The following EXOC4 variants were observed in gnomAD, a reference collection of about 807,000 sequenced individuals.
EXOC4 encodes SEC8-like 1.
EXOC4 carries 71 observed loss-of-function variants against 107.2 expected under a neutral mutation model. That is an observed-to-expected ratio of 0.66 (90% CI 0.55 to 0.81). The LOEUF (loss-of-function observed/expected upper bound fraction) is 0.81, where lower values mean the gene tolerates loss of function less well. Among genes scored for constraint, EXOC4 ranks in the 30% least tolerant of loss-of-function variants. The pLI, the probability that EXOC4 is intolerant of heterozygous loss-of-function variation, is 0.00. For synonymous variants in EXOC4, 456 were observed against 441.2 expected, an observed-to-expected ratio of 1.03 and a Z score of -0.42; for missense variants, 1,108 against 1,189.6, an observed-to-expected ratio of 0.93 and a Z score of 1.01.
intron 9 of EXOC4, among the ~76,000 whole-genome samples, chr7:133,527,249 C>T (rs1800097624): frequency 6.6e-6 from 1 of 151,216 alleles, no homozygotes; most frequent in Non-Finnish European, 1.5e-5. Context: ...ACTAAAAATA[C>T]AAAAATTAGC....
In EXOC4 at chr7:133,738,093, G is replaced by A. The variant is rs180963093; in HGVS notation, c.1515-79232G>A. Among the ~76,000 whole-genome samples, 11 of 151,586 alleles carry A rather than the reference G, an allele frequency of 7.3e-5. No individual in the cohort carries two copies. In the East Asian group the frequency reaches 2.0e-3, roughly 27 times the overall value. ...TGCCAGGCTAGTTTTTGTGTTTTTA[G>A]TAGAGACAGGATTTCACCACGTGGG... On this transcript the variant is annotated intron_variant, in intron 10 of 17. Transcript: ENST00000253861.
chr7:133,600,589 G>A (rs2150986609), intron 9 of EXOC4, among the ~76,000 whole-genome samples: 1 of 152,190 alleles, frequency 6.6e-6, no homozygotes, highest in South Asian at 2.1e-4. Flanking sequence ...AAATCATTCA[G>A]AAAATAATTC....
At chr7:133,664,689 A>G (rs1166466241) in intron 10 of EXOC4, among the ~76,000 whole-genome samples, 1 of 152,162 alleles carries the variant, frequency 6.6e-6, no homozygotes, top group Non-Finnish European at 1.5e-5. Flanking sequence ...CCTCTGCTGC[A>G]TTAGCTGAAG....
chr7:133,535,433 G>A (rs1023299017), intron 9 of EXOC4, among the ~76,000 whole-genome samples: 5 of 152,118 alleles, frequency 3.3e-5, no homozygotes, highest in African/African-American at 1.2e-4. Flanking sequence ...CTCATACCTG[G>A]AAGTTTACAA....
At chr7:133,276,591 G>C (rs1793998803) in intron 2 of EXOC4, among the ~76,000 whole-genome samples, 1 of 151,966 alleles carries the variant, frequency 6.6e-6, no homozygotes, top group Non-Finnish European at 1.5e-5. Flanking sequence ...GTCATTAAGA[G>C]AGGCAGTGCT....
intron 10 of EXOC4, among the ~76,000 whole-genome samples, chr7:133,780,311 A>AG (rs1290272405): frequency 6.6e-6 from 1 of 151,906 alleles, no homozygotes; most frequent in Non-Finnish European, 1.5e-5. Context: ...TCTAAAAAAA[A>AG]AAAAAGCCAT....
chr7:133,332,631 A>T (rs528901778), intron 5 of EXOC4, among the ~76,000 whole-genome samples: 45 of 152,312 alleles, frequency 3.0e-4, no homozygotes, highest in African/African-American at 1.0e-3. Flanking sequence ...GAAAAAATAT[A>T]TTTGTATATT....
chr7:133,384,345 G>T (rs1425579618), intron 7 of EXOC4, among the ~76,000 whole-genome samples: 2 of 152,162 alleles, frequency 1.3e-5, no homozygotes, highest in African/African-American at 4.8e-5. Flanking sequence ...GAACACAGGT[G>T]TAGAAATGGC....
chr7:133,372,274 G>T (rs1385800481), intron 6 of EXOC4, among the ~76,000 whole-genome samples: 2 of 152,142 alleles, frequency 1.3e-5, no homozygotes, highest in Non-Finnish European at 2.9e-5. Context: ...TCGGTAAGGC[G>T]GAAGAGAGCT....
At chr7:133,608,768 C>T (rs1212455609) in intron 9 of EXOC4, among the ~76,000 whole-genome samples, 4 of 151,842 alleles carry the variant, frequency 2.6e-5, no homozygotes, top group South Asian at 2.1e-4. Flanking sequence ...AGGATGGTCT[C>T]GATCTCCTGA....
At chr7:133,895,850 G>C in intron 12 of EXOC4, 115 bp downstream of exon 12, 1 of 1,153,898 alleles carries the variant, frequency 8.7e-7, no homozygotes, top group Non-Finnish European at 1.2e-6. Context: ...AGTTTGTCAA[G>C]AGATGAGAAC....
At chr7:133,499,705 G>A (rs1323863778) in intron 9 of EXOC4, among the ~76,000 whole-genome samples, 2 of 152,126 alleles carry the variant, frequency 1.3e-5, no homozygotes, top group African/African-American at 2.4e-5. Flanking sequence ...CGGAGTTCTC[G>A]TGTAAGCTTT....
chr7:133,355,733 CAT>C (rs1462362444), intron 5 of EXOC4, among the ~76,000 whole-genome samples: 1 of 151,284 alleles, frequency 6.6e-6, no homozygotes, highest in East Asian at 1.9e-4. Flanking sequence ...TTGTAGCAGA[CAT>C]ATGTTTAAAG....
chr7:133,652,466 C>G (rs1222870241), intron 10 of EXOC4, among the ~76,000 whole-genome samples: 1 of 150,744 alleles, frequency 6.6e-6, no homozygotes, highest in Non-Finnish European at 1.5e-5. Context: ...AACAACCAAA[C>G]CTCAGTTCCA....
chr7:133,570,352 G>A (rs1800996019), intron 9 of EXOC4, among the ~76,000 whole-genome samples: 1 of 152,186 alleles, frequency 6.6e-6, no homozygotes, highest in Admixed American at 6.5e-5. Flanking sequence ...ACCTAAAGAA[G>A]TAATTTTTCT....
chr7:133,280,561 A>G (rs988558806), intron 2 of EXOC4, among the ~76,000 whole-genome samples: 6 of 152,188 alleles, frequency 3.9e-5, no homozygotes, highest in African/African-American at 7.2e-5. Flanking sequence ...ATGTGCACAC[A>G]AACACTTAAC....
At chr7:134,078,669 T>C in the EXOC4 span, among the ~76,000 whole-genome samples, 1 of 152,230 alleles carries the variant, frequency 6.6e-6, no homozygotes, top group African/African-American at 2.4e-5. Flanking sequence ...TTAATGGTTT[T>C]GAATGAGATT....
chr7:133,850,942 C>T (rs1798228979), intron 11 of EXOC4, among the ~76,000 whole-genome samples: 1 of 152,164 alleles, frequency 6.6e-6, no homozygotes, highest in African/African-American at 2.4e-5. Flanking sequence ...TTTAGATTGA[C>T]TCTTCCTAGC....
intron 10 of EXOC4, among the ~76,000 whole-genome samples, chr7:133,645,425 A>G (rs1344451589): frequency 1.3e-5 from 2 of 151,724 alleles, no homozygotes; most frequent in African/African-American, 2.4e-5. Flanking sequence ...CTCTTCTCTC[A>G]GTGGTCCCTT....
Sources: allele counts gnomAD v4.1 joint callset (sites outside exome capture counted in the v4.1 genomes callset), GRCh38; gene constraint gnomAD v4.1.1; transcripts MANE v1.5; gene names NCBI Gene and HGNC (gene_info 2026-07-23, HGNC 2026-07-21).